The following UNC13C variants were observed in gnomAD, a reference collection of about 807,000 sequenced individuals.
The protein encoded by UNC13C is unc-13 homolog C.
Under a neutral mutation model 245.4 loss-of-function variants are expected in UNC13C, and 174 were observed. The observed-to-expected ratio is 0.71, with a 90% CI of 0.63 to 0.80. The LOEUF is 0.80. Among genes scored for constraint, UNC13C ranks in the 30% least tolerant of loss-of-function variants. The pLI is 0.00. For missense variants in UNC13C, 2,829 were observed against 2,602.9 expected, an observed-to-expected ratio of 1.09 and a Z score of -1.89; for synonymous variants, 992 against 895.1, an observed-to-expected ratio of 1.11 and a Z score of -1.93.
chr15:54,283,714 G>A (rs202048612), intron 10 of UNC13C, among the ~76,000 whole-genome samples: 51 of 10,830 alleles, frequency 4.7e-3, no homozygotes, highest in South Asian at 7.7e-3. Context: ...ATATATATGT[G>A]TGTGTGTGTG....
At chr15:54,173,130 C>G (rs539509363) in intron 4 of UNC13C, among the ~76,000 whole-genome samples, 1 of 151,876 alleles carries the variant, frequency 6.6e-6, no homozygotes, top group Non-Finnish European at 1.5e-5. Flanking sequence ...ACTTCTATAA[C>G]TTGATAATAA....
rs79580786 is a variant in UNC13C at position 54,409,884 on chromosome 15, T to C, written c.4848-5098T>C. 8.9e-4 allele frequency among the ~76,000 whole-genome samples: 135 copies of C among 152,284 alleles called. 1 individual carries two copies. The highest frequency in any genetic ancestry group is 1.6e-3 in the Non-Finnish European group (112 of 68,006). On this transcript the variant is annotated intron_variant, in intron 18 of 32. Transcript: ENST00000260323. ...TTGGTAGAGAGATTTGTTTTGGTTA[T>C]ATTCCCAATAAAGAGATTGCTGAGT...
chr15:54,417,070 A>C, intron 19 of UNC13C: 1 of 417,772 alleles, frequency 2.4e-6, no homozygotes, highest in South Asian at 1.7e-5. Context: ...CTGCTGCGTA[A>C]CAACTGATTT....
chr15:54,428,682 T>A (rs148669746), intron 19 of UNC13C, among the ~76,000 whole-genome samples: 13 of 151,596 alleles, frequency 8.6e-5, no homozygotes, highest in African/African-American at 3.1e-4. Flanking sequence ...ACCTAACACG[T>A]GTTGCATGAG....
intron 30 of UNC13C, among the ~76,000 whole-genome samples, chr15:54,621,280 CTG>C (rs1900781344): frequency 6.6e-6 from 1 of 152,120 alleles, no homozygotes; most frequent in South Asian, 2.1e-4. Flanking sequence ...GTTACAGTCT[CTG>C]TGGTAGAAAT....
intron 4 of UNC13C, among the ~76,000 whole-genome samples, chr15:54,169,341 C>T (rs948011931): frequency 6.6e-6 from 1 of 152,112 alleles, no homozygotes; most frequent in Admixed American, 6.5e-5. Context: ...TTATGAACAC[C>T]TTTCCAGAAT....
chr15:53,901,968 C>G, the UNC13C span, among the ~76,000 whole-genome samples: 2 of 152,068 alleles, frequency 1.3e-5, no homozygotes, highest in Non-Finnish European at 2.9e-5. Context: ...TAAGTTATTA[C>G]CCATTTCCAT....
the UNC13C span, among the ~76,000 whole-genome samples, chr15:53,943,897 C>T: frequency 6.6e-6 from 1 of 151,552 alleles, no homozygotes; most frequent in African/African-American, 2.4e-5. Flanking sequence ...TTTTTTTTCT[C>T]TGAAGTCTGT....
chr15:54,553,853 A>C (rs1360758157), intron 28 of UNC13C, among the ~76,000 whole-genome samples: 1 of 151,938 alleles, frequency 6.6e-6, no homozygotes, highest in Non-Finnish European at 1.5e-5. Flanking sequence ...GAAGCCAGAT[A>C]AATTTATTTA....
At chr15:54,027,980 G>T (rs976981337) in intron 2 of UNC13C, among the ~76,000 whole-genome samples, 10 of 152,124 alleles carry the variant, frequency 6.6e-5, no homozygotes, top group Admixed American at 5.2e-4. Flanking sequence ...GGAAATGCCT[G>T]CCCAGAACTT....
At chr15:54,130,093 T>G (rs1056627067) in intron 2 of UNC13C, among the ~76,000 whole-genome samples, 1 of 151,882 alleles carries the variant, frequency 6.6e-6, no homozygotes, top group Admixed American at 6.6e-5. Flanking sequence ...ATTAATGTTT[T>G]ATCATTTCCA....
At position 54,375,409 on chromosome 15, in the gene UNC13C, T is replaced by G. The variant is rs553334662; in HGVS notation, c.4714-17639T>G. On this transcript the variant is annotated intron_variant, in intron 17 of 32. Transcript: ENST00000260323. ...TGAGTAATGCTATTGTTTAATGCTTTTCCCTTGAATCTTGACTGAATCTGT... is the reference window on the plus strand; with the variant it reads ...TGAGTAATGCTATTGTTTAATGCTTGTCCCTTGAATCTTGACTGAATCTGT... Among the ~76,000 whole-genome samples, 27 of 152,332 alleles carry G rather than the reference T, an allele frequency of 1.8e-4. 1 individual carries two copies. The highest frequency in any genetic ancestry group is 4.1e-4 in the South Asian group (2 of 4,824).
chr15:54,150,768 C>T (rs927198179), intron 4 of UNC13C, among the ~76,000 whole-genome samples: 2 of 151,978 alleles, frequency 1.3e-5, no homozygotes, highest in African/African-American at 4.8e-5. Context: ...CTCACAACCC[C>T]AGACCCATTT....
the UNC13C span, among the ~76,000 whole-genome samples, chr15:53,942,113 A>G: frequency 1.3e-5 from 2 of 152,252 alleles, no homozygotes; most frequent in African/African-American, 2.4e-5. Flanking sequence ...ATGTATGTTC[A>G]TGACAGCACT....
intron 30 of UNC13C, among the ~76,000 whole-genome samples, chr15:54,582,884 TG>T (rs1369757854): frequency 1.3e-5 from 2 of 152,162 alleles, no homozygotes; most frequent in Admixed American, 6.5e-5. Context: ...GTAATATAAA[TG>T]TTGGCCATTT....
intron 2 of UNC13C, among the ~76,000 whole-genome samples, chr15:54,066,187 T>C (rs1440908733): frequency 1.3e-5 from 2 of 152,172 alleles, no homozygotes; most frequent in Non-Finnish European, 2.9e-5. Flanking sequence ...TATGCATGGA[T>C]CATCTGAATT....
At chr15:54,203,558 T>A (rs2034594952) in intron 4 of UNC13C, among the ~76,000 whole-genome samples, 2 of 147,574 alleles carry the variant, frequency 1.4e-5, no homozygotes, top group African/African-American at 4.9e-5. Context: ...ATATATTTTA[T>A]GACTGAGTAG....
In UNC13C at chr15:53,978,581, A is replaced by C. The variant is rs1039322598; in HGVS notation, c.-603A>C. ...TCCCATTTTGCTTTCTGGGAGAAAG[A>C]GATGAGAAATGAGCCGCGGAAGGTA... On this transcript the variant is annotated 5_prime_UTR_variant, in exon 1 of 33. Transcript: ENST00000260323. 1.2e-4 allele frequency among the ~76,000 whole-genome samples: 19 copies of C among 152,168 alleles called. No individual in the cohort carries two copies. Among genetic ancestry groups the C allele is most frequent in the Non-Finnish European group, 2.1e-4 (14 of 68,026 alleles).
At chr15:54,406,084 A>G (rs1463844090) in intron 18 of UNC13C, among the ~76,000 whole-genome samples, 1 of 152,192 alleles carries the variant, frequency 6.6e-6, no homozygotes. Flanking sequence ...AAGAGCATAC[A>G]AATTTATTTA....
Sources: allele counts gnomAD v4.1 joint callset (sites outside exome capture counted in the v4.1 genomes callset), GRCh38; gene constraint gnomAD v4.1.1; transcripts MANE v1.5; gene names NCBI Gene and HGNC (gene_info 2026-07-23, HGNC 2026-07-21).